PKIG: variants seen among roughly 807,000 people sequenced by gnomAD.
PKIG encodes the protein protein kinase (cAMP-dependent, catalytic) inhibitor gamma.
In PKIG, 1 loss-of-function variant was observed where a neutral mutation model predicts 6.8. The ratio of observed to expected loss-of-function variants is 0.15; its 90% CI spans 0.05 to 0.69. The LOEUF (loss-of-function observed/expected upper bound fraction) is 0.69, where lower values mean the gene tolerates loss of function less well. Among genes scored for constraint, PKIG ranks in the 30% least tolerant of loss-of-function variants. The pLI, the probability that PKIG is intolerant of heterozygous loss-of-function variation, is 0.82. For missense variants in PKIG, 77 were observed against 104.0 expected (o/e 0.74, Z 1.13); for synonymous variants, 39 against 43.0 (o/e 0.91, Z 0.36).
Position 44,554,064 on chromosome 20 carries a change from AT to A in PKIG, c.-241+22089del, listed in dbSNP as rs2064691675. Reference sequence around the variant, plus strand: ...CAGAGCATTGTAGACCAGTTTATTAATTTAAAAAAAAATTTTTTTTTTTTTG... The same window carrying A: ...CAGAGCATTGTAGACCAGTTTATTAATTAAAAAAAAATTTTTTTTTTTTTG... On this transcript the variant is annotated intron_variant, in intron 1 of 4. Coordinates refer to the PKIG transcript ENST00000372887. Among the ~76,000 whole-genome samples, 3 of 150,980 alleles carry A rather than the reference AT, an allele frequency of 2.0e-5. No individual in the cohort carries two copies. The Admixed American group carries it at 2.0e-4, about 10-fold the overall frequency.
At chr20:44,606,520 G>A (rs935573259) in intron 2 of PKIG, among the ~76,000 whole-genome samples, 2 of 152,094 alleles carry the variant, frequency 1.3e-5, no homozygotes, top group Admixed American at 6.6e-5. Context: ...TTTATAAAAG[G>A]GCTTGAGGCC....
intron 1 of PKIG, among the ~76,000 whole-genome samples, chr20:44,549,961 T>A (rs1183862679): frequency 6.6e-6 from 1 of 152,066 alleles, no homozygotes; most frequent in African/African-American, 2.4e-5. Flanking sequence ...CTAAATGTAC[T>A]CTTTGATCTT....
intron 1 of PKIG, among the ~76,000 whole-genome samples, chr20:44,532,410 T>C (rs761448783): frequency 6.6e-6 from 1 of 152,206 alleles, no homozygotes; most frequent in Non-Finnish European, 1.5e-5. Context: ...GGTAAATTTA[T>C]ATTTAAAATT....
chr20:44,560,222 C>A lies in PKIG; in HGVS notation c.-240-22363C>A, dbSNP rs563041193. ...CAGAGATTGTGCCACTGCACAGGAG[C>A]CTAGGTGATAGAGCCAGACCTTGTC... On this transcript the variant is annotated intron_variant, in intron 1 of 4. Transcript: ENST00000372887. Among the ~76,000 whole-genome samples, 23 of 151,650 alleles carry A rather than the reference C, an allele frequency of 1.5e-4. No individual in the cohort carries two copies. In the South Asian group the frequency reaches 4.8e-3, roughly 32 times the overall value.
intron 2 of PKIG, among the ~76,000 whole-genome samples, chr20:44,595,914 A>C (rs2065071639): frequency 6.6e-6 from 1 of 152,198 alleles, no homozygotes; most frequent in African/African-American, 2.4e-5. Context: ...TGAACATAGT[A>C]TATTCACCCC....
At chr20:44,534,414 G>A (rs892524052) in intron 1 of PKIG, among the ~76,000 whole-genome samples, 1 of 151,994 alleles carries the variant, frequency 6.6e-6, no homozygotes, top group Non-Finnish European at 1.5e-5. Context: ...TTTCATTGTC[G>A]GCAGATAGCA....
At chr20:44,570,760 A>C (rs115208291) in intron 1 of PKIG, among the ~76,000 whole-genome samples, 293 of 152,334 alleles carry the variant, frequency 1.9e-3, no homozygotes, top group African/African-American at 6.4e-3. Flanking sequence ...GAACAACAAA[A>C]AAAAGTGGTG....
intron 1 of PKIG, among the ~76,000 whole-genome samples, chr20:44,544,079 A>C (rs1378340724): frequency 6.6e-6 from 1 of 152,014 alleles, no homozygotes; most frequent in African/African-American, 2.4e-5. Context: ...AAAAAAAAAA[A>C]AAAGATTGTT....
intron 1 of PKIG, among the ~76,000 whole-genome samples, chr20:44,565,546 C>T (rs2064803316): frequency 6.6e-6 from 1 of 152,248 alleles, no homozygotes; most frequent in Admixed American, 6.5e-5. Flanking sequence ...TTTACCAGCA[C>T]TGGTGACATC....
upstream of PKIG, among the ~76,000 whole-genome samples, chr20:44,580,617 G>A (rs145399753): frequency 0.06 from 9,150 of 152,026 alleles, 431 homozygotes; most frequent in African/African-American, 0.14. Context: ...CAAAGTGCTA[G>A]GATTACAGGT....
chr20:44,614,428 A>G lies in PKIG; in HGVS notation c.-23-106A>G, dbSNP rs556272869. ...TTTTGCTTTGTTTTCAATAAGAGGC[A>G]ATAACTGTCATTTTGACAGAAGCCA... is the stretch of plus-strand genomic sequence containing the variant. On this transcript the variant is annotated intron_variant, in intron 2 of 3. Transcript: ENST00000372886. The surrounding 1 kb of genome is among the most constrained non-coding windows in gnomAD (Gnocchi z 4.6). 21 of 772,338 alleles carry G rather than the reference A, an allele frequency of 2.7e-5. No individual in the cohort carries two copies. The allele number at this position is 772,338 out of a possible 1,614,324, so 47.8% of individuals were successfully genotyped here.
chr20:44,563,936 G>T (rs1189768542), intron 1 of PKIG, among the ~76,000 whole-genome samples: 1 of 152,052 alleles, frequency 6.6e-6, no homozygotes. Flanking sequence ...TTTTTATTTT[G>T]CTGATCATGC....
intron 2 of PKIG, among the ~76,000 whole-genome samples, chr20:44,598,147 CT>C (rs2065090633): frequency 6.6e-6 from 1 of 152,312 alleles, no homozygotes; most frequent in African/African-American, 2.4e-5. Flanking sequence ...CTCAGGACCT[CT>C]CCCCTGTGGT....
chr20:44,556,427 ATC>A (rs1407725143), intron 1 of PKIG, among the ~76,000 whole-genome samples: 2 of 152,120 alleles, frequency 1.3e-5, no homozygotes, highest in Non-Finnish European at 2.9e-5. Flanking sequence ...CAGTGGCGCG[ATC>A]TCGGCTCACT....
chr20:44,602,044 A>G (rs1377942408), intron 2 of PKIG, among the ~76,000 whole-genome samples: 2 of 152,260 alleles, frequency 1.3e-5, no homozygotes, highest in Non-Finnish European at 2.9e-5. Flanking sequence ...AGGCCTGGGG[A>G]CAGAGTATAA....
At chr20:44,617,131 T>C (rs2065272228) in intron 3 of PKIG, among the ~76,000 whole-genome samples, 1 of 152,172 alleles carries the variant, frequency 6.6e-6, no homozygotes, top group South Asian at 2.1e-4. Context: ...ACTGTGTGCA[T>C]TGCACGAGAA....
At chr20:44,563,374 A>ATT (rs199711065) in intron 1 of PKIG, among the ~76,000 whole-genome samples, 4 of 146,992 alleles carry the variant, frequency 2.7e-5, no homozygotes, top group Admixed American at 6.8e-5. Flanking sequence ...AGAACAACTG[A>ATT]TTTTTTTTTT....
At position 44,544,961 on chromosome 20, in the gene PKIG, A is replaced by T. The variant is rs1425426978; in HGVS notation, c.-241+12983A>T. 7.1e-5 allele frequency among the ~76,000 whole-genome samples: 4 copies of T among 56,658 alleles called. No individual in the cohort carries two copies. The East Asian group carries it at 1.9e-3, about 27-fold the overall frequency. 37.2% of individuals were successfully genotyped at this position (56,658 alleles called of 152,430 possible). On this transcript the variant is annotated intron_variant, in intron 1 of 4. Coordinates refer to the PKIG transcript ENST00000372887. ...TTTTTTTTTTTTTTTTTTGAGATGG[A>T]ATCTTGCTCTGTGGCCTGAGCTGGA... is the stretch of plus-strand genomic sequence containing the variant.
intron 1 of PKIG, among the ~76,000 whole-genome samples, chr20:44,548,553 A>G (rs2091770237): frequency 6.6e-6 from 1 of 152,138 alleles, no homozygotes; most frequent in Admixed American, 6.5e-5. Context: ...AAGGGATAAA[A>G]ATAGTTTTCC....
Sources: allele counts gnomAD v4.1 joint callset (sites outside exome capture counted in the v4.1 genomes callset), GRCh38; gene constraint gnomAD v4.1.1; non-coding constraint Gnocchi (gnomAD v3.1); transcripts MANE v1.5; gene names NCBI Gene and HGNC (gene_info 2026-07-23, HGNC 2026-07-21).